Variants in ROBO2 observed in about 807,000 individuals in gnomAD.
ROBO2 encodes the protein roundabout guidance receptor 2, also known as roundabout homolog 2.
In ROBO2, 53 loss-of-function variants were observed where a neutral mutation model predicts 160.8. The observed-to-expected ratio is 0.33, with a 90% CI of 0.26 to 0.41. The LOEUF (loss-of-function observed/expected upper bound fraction) is 0.41, where lower values mean the gene tolerates loss of function less well. ROBO2 is among the 10% of genes least tolerant of loss of function. The pLI is 1.00. For synonymous variants in ROBO2, 664 were observed against 611.7 expected (o/e 1.09, Z -1.26); for missense variants, 1,577 against 1,722.4 (o/e 0.92, Z 1.49).
intron 2 of ROBO2, among the ~76,000 whole-genome samples, chr3:76,356,291 G>A (rs1221893425): frequency 1.3e-5 from 2 of 150,660 alleles, no homozygotes; most frequent in African/African-American, 2.4e-5. Context: ...AAAAACAGAT[G>A]GAATCAATAG....
chr3:76,496,806 C>T (rs1049970713), intron 2 of ROBO2, among the ~76,000 whole-genome samples: 11 of 152,192 alleles, frequency 7.2e-5, no homozygotes, highest in African/African-American at 2.4e-4. Context: ...TGTCCAGAAT[C>T]TGACCACTTC....
chr3:76,544,980 A>G (rs971493692), intron 2 of ROBO2, among the ~76,000 whole-genome samples: 4 of 151,972 alleles, frequency 2.6e-5, no homozygotes, highest in African/African-American at 7.2e-5. Flanking sequence ...CCCCTCCATC[A>G]TATCCCACAC....
At chr3:76,862,451 C>T (rs1248654411) in intron 2 of ROBO2, among the ~76,000 whole-genome samples, 1 of 151,962 alleles carries the variant, frequency 6.6e-6, no homozygotes, top group East Asian at 1.9e-4. Flanking sequence ...AAATAAGAAT[C>T]CAAATAAATG....
intron 2 of ROBO2, among the ~76,000 whole-genome samples, chr3:76,330,025 TTGTG>T (rs200165174): frequency 0.012 from 1,880 of 152,296 alleles, 34 homozygotes; most frequent in Admixed American, 0.038. Context: ...ACTTAAATAT[TTGTG>T]TGAACATTTT....
At chr3:76,242,582 G>A (rs776607431) in intron 2 of ROBO2, among the ~76,000 whole-genome samples, 8 of 152,010 alleles carry the variant, frequency 5.3e-5, no homozygotes, top group Admixed American at 4.6e-4. Context: ...ATAAATCTCC[G>A]AAGCAAGAAA....
At chr3:77,394,786 A>G (rs151205514) in intron 2 of ROBO2, among the ~76,000 whole-genome samples, 27 of 152,210 alleles carry the variant, frequency 1.8e-4, no homozygotes, top group African/African-American at 6.0e-4. Context: ...TACCTTACCT[A>G]TCTTCACTCC....
intron 23 of ROBO2, among the ~76,000 whole-genome samples, chr3:77,623,002 T>A (rs2153706473): frequency 6.6e-6 from 1 of 152,334 alleles, no homozygotes; most frequent in East Asian, 1.9e-4. Flanking sequence ...TTATTTTTTC[T>A]GTTTATTTCT....
intron 2 of ROBO2, among the ~76,000 whole-genome samples, chr3:77,216,694 G>T (rs928862261): frequency 6.6e-6 from 1 of 152,162 alleles, no homozygotes; most frequent in Admixed American, 6.5e-5. Context: ...GACTGGAGCT[G>T]TTCCTATTCG....
At chr3:76,148,034 G>A (rs947699264) in intron 2 of ROBO2, among the ~76,000 whole-genome samples, 3 of 152,046 alleles carry the variant, frequency 2.0e-5, no homozygotes, top group Admixed American at 6.6e-5. Context: ...GAGGAAGCAC[G>A]TCAGAGAGCA....
intron 22 of ROBO2, 48 bp from the exon 24 acceptor site, chr3:77,622,179 G>T: frequency 4.0e-6 from 6 of 1,518,108 alleles, no homozygotes; most frequent in Non-Finnish European, 5.5e-6. Context: ...TGATTTTGTT[G>T]CATGTTAATA....
chr3:77,506,129 C>T (rs916203205), intron 5 of ROBO2, among the ~76,000 whole-genome samples: 1 of 152,094 alleles, frequency 6.6e-6, no homozygotes, highest in Non-Finnish European at 1.5e-5. Flanking sequence ...AAAGCTTGTG[C>T]TCATGGCTTA....
At chr3:75,914,535 A>G (rs4856024) in intron 1 of ROBO2, among the ~76,000 whole-genome samples, 126,380 of 152,104 alleles carry the variant, frequency 0.83, 52,603 homozygotes, top group East Asian at 0.93. Context: ...CGAAGAAAGT[A>G]TAATTTTTCT....
At chr3:76,057,473 G>A (rs2067887928) in intron 2 of ROBO2, among the ~76,000 whole-genome samples, 1 of 152,088 alleles carries the variant, frequency 6.6e-6, no homozygotes, top group Admixed American at 6.5e-5. Context: ...TTATAAACAT[G>A]TTCATGGTTG....
At chr3:77,036,342 A>AT (rs2063635098), upstream of ROBO2, among the ~76,000 whole-genome samples, 1 of 151,992 alleles carries the variant, frequency 6.6e-6, no homozygotes, top group South Asian at 2.1e-4. Flanking sequence ...CAAACCTTTG[A>AT]TTTTTATATA....
chr3:77,459,562 CAAG>C (rs1263673645), intron 2 of ROBO2, among the ~76,000 whole-genome samples: 3 of 152,246 alleles, frequency 2.0e-5, no homozygotes, highest in African/African-American at 7.2e-5. Flanking sequence ...CGAACACAAA[CAAG>C]AATACTTTTA....
chr3:76,695,456 A>T (rs576065327), intron 2 of ROBO2, among the ~76,000 whole-genome samples: 2 of 152,264 alleles, frequency 1.3e-5, no homozygotes, highest in East Asian at 3.9e-4. Flanking sequence ...CTGCCTCTTG[A>T]CAATGGTGTA....
At chr3:76,838,199 A>G (rs2148446624) in intron 2 of ROBO2, among the ~76,000 whole-genome samples, 1 of 152,198 alleles carries the variant, frequency 6.6e-6, no homozygotes, top group South Asian at 2.1e-4. Context: ...AGGAACATAA[A>G]GAAGAAAACA....
chr3:77,477,606 G>A, intron 3 of ROBO2, 35 bp downstream of exon 3: 1 of 1,582,382 alleles, frequency 6.3e-7, no homozygotes, highest in East Asian at 2.2e-5. Context: ...CAGAGAGATT[G>A]AATTTTCAGT....
At chr3:77,241,078 A>G (rs1027579427) in intron 2 of ROBO2, among the ~76,000 whole-genome samples, 2 of 73,798 alleles carry the variant, frequency 2.7e-5, no homozygotes, top group African/African-American at 8.3e-5. Flanking sequence ...CTTGATAAAC[A>G]GTTTTGATGA....
Sources: gnomAD v4.1 joint callset for allele counts (sites outside exome capture counted in the v4.1 genomes callset) on GRCh38, gnomAD v4.1.1 for gene constraint, MANE v1.5 for transcripts, NCBI Gene and HGNC (gene_info 2026-07-23, HGNC 2026-07-21) for gene names.